NPSR1: variants seen among roughly 807,000 people sequenced by gnomAD.
NPSR1 encodes neuropeptide S receptor.
A neutral mutation model predicts 46.9 loss-of-function variants in NPSR1; 48 were observed. The ratio of observed to expected loss-of-function variants is 1.02; its 90% CI spans 0.81 to 1.30. The LOEUF is 1.30. Among genes scored for constraint, NPSR1 ranks in the 50% most tolerant of loss-of-function variants. The pLI is 0.00. For missense variants in NPSR1, 450 were observed against 449.5 expected (o/e 1.00, Z -0.01); for synonymous variants, 176 against 168.1 (o/e 1.05, Z -0.36).
intron 2 of NPSR1, among the ~76,000 whole-genome samples, chr7:34,714,227 A>G (rs1309306250): frequency 6.6e-6 from 1 of 152,346 alleles, no homozygotes; most frequent in East Asian, 1.9e-4. Flanking sequence ...CGAAAGCTGC[A>G]AGGACTCCTA....
At position 34,719,359 on chromosome 7, in the gene NPSR1, C is replaced by G. The variant is rs912883098; in HGVS notation, c.280+34675C>G. Reference sequence around the variant, plus strand: ...GCTTTTTCCTTTTTTCATTTAGACACAAGGATGCCTGGCATAATTTGCTGC... The same window carrying G: ...GCTTTTTCCTTTTTTCATTTAGACAGAAGGATGCCTGGCATAATTTGCTGC... On this transcript the variant is annotated intron_variant, in intron 2 of 8. Coordinates refer to ENST00000360581, the MANE Select transcript of NPSR1 (RefSeq NM_207172.2). The G allele has an allele frequency of 2.0e-5, 3 of 152,414 alleles. No homozygotes were observed. The East Asian group carries it at 5.8e-4, about 29-fold the overall frequency. 9.4% of individuals were successfully genotyped at this position (152,414 alleles called of 1,614,324 possible). A position where few individuals can be genotyped will look rare whatever the true frequency, so the allele number is the denominator to read the frequency against.
At chr7:34,801,746 G>T (rs1159475112) in intron 3 of NPSR1, among the ~76,000 whole-genome samples, 1 of 148,362 alleles carries the variant, frequency 6.7e-6, no homozygotes, top group Non-Finnish European at 1.5e-5. Flanking sequence ...AGGAAATAAA[G>T]AGTATTCAAT....
intron 1 of NPSR1, among the ~76,000 whole-genome samples, chr7:34,681,311 T>A (rs1222064493): frequency 1.3e-5 from 2 of 152,164 alleles, no homozygotes; most frequent in Non-Finnish European, 2.9e-5. Flanking sequence ...TGCACAGCTG[T>A]ATTTTCCTGT....
At position 34,848,488 on chromosome 7, in the gene NPSR1, A is replaced by G. The variant is rs956716609; in HGVS notation, c.850A>G (p.Ile284Val). Reference sequence around the variant, plus strand: ...ATGGCTCTCTTCTCCCCCAGCCTTCATCTGCTGTTGGAGTCCATACTTCCT... The same window carrying G: ...ATGGCTCTCTTCTCCCCCAGCCTTCGTCTGCTGTTGGAGTCCATACTTCCT... ...KYSIIIILAFICCWSPYFLFD... is the reference protein window; with the variant it reads ...KYSIIIILAFVCCWSPYFLFD... Residue 284 changes from isoleucine to valine, a missense_variant, in exon 8 of 9, where the codon ATC becomes GTC. Transcript: ENST00000360581. 5 of 1,613,908 alleles carry G rather than the reference A, an allele frequency of 3.1e-6. No homozygotes were observed. The African/African-American group carries it at 6.7e-5, about 22-fold the overall frequency.
intron 2 of NPSR1, among the ~76,000 whole-genome samples, chr7:34,718,072 G>A (rs2128705969): frequency 6.6e-6 from 1 of 152,190 alleles, no homozygotes; most frequent in Admixed American, 6.5e-5. Context: ...ATAATATTGA[G>A]AACCCAAAAG....
Position 34,848,630 on chromosome 7 carries a change from G to T in NPSR1, c.992G>T (p.Cys331Phe). Reference protein sequence around the residue: ...LNSAINPLIYCVFSSSISFPC... With the variant: ...LNSAINPLIYFVFSSSISFPC... Reference sequence around the variant, plus strand: ...AGTGCCATCAACCCCCTCATCTACTGTGTCTTCAGCAGCTCCATCTCTTTC... The same window carrying T: ...AGTGCCATCAACCCCCTCATCTACTTTGTCTTCAGCAGCTCCATCTCTTTC... The change falls in exon 8 of 9, where the codon TGT (cysteine) becomes TTT (phenylalanine). Residue 331 changes from cysteine (C) to phenylalanine (F), a missense_variant. By Grantham distance (205) the Cys-to-Phe change is radical. Transcript: ENST00000360581. The T allele has an allele frequency of 1.2e-6, 2 of 1,614,086 alleles. No homozygotes were observed. Among genetic ancestry groups the T allele is most frequent in the South Asian group, 1.1e-5 (1 of 91,088 alleles).
rs558873963 is a variant in NPSR1, at chr7:34,747,676, C to T, written c.281-30786C>T. ...CCCACGCACGCATGTGACTGGATACCGCATGAGTTTTCTAAAGCTTAAAGA... is the reference window on the plus strand; with the variant it reads ...CCCACGCACGCATGTGACTGGATACTGCATGAGTTTTCTAAAGCTTAAAGA... On this transcript the variant is annotated intron_variant, in intron 2 of 8. Coordinates refer to ENST00000360581, the MANE Select transcript of NPSR1 (RefSeq NM_207172.2). 1.7e-3 allele frequency among the ~76,000 whole-genome samples: 252 copies of T among 152,214 alleles called. 3 individuals carry two copies. In the South Asian group the frequency reaches 0.05, roughly 30 times the overall value.
At chr7:34,711,873 C>A (rs768996860) in intron 2 of NPSR1, among the ~76,000 whole-genome samples, 2 of 152,168 alleles carry the variant, frequency 1.3e-5, no homozygotes, top group African/African-American at 2.4e-5. Flanking sequence ...TTCTCAACAC[C>A]GGCTACACAT....
chr7:34,874,513 C>T (rs1369037393), intron 8 of NPSR1, among the ~76,000 whole-genome samples: 1 of 151,974 alleles, frequency 6.6e-6, no homozygotes, highest in Non-Finnish European at 1.5e-5. Flanking sequence ...CAGGTCCTAC[C>T]CCTGGAATTG....
At chr7:34,836,821 A>G (rs1443342589) in intron 6 of NPSR1, among the ~76,000 whole-genome samples, 1 of 152,184 alleles carries the variant, frequency 6.6e-6, no homozygotes, top group Non-Finnish European at 1.5e-5. Flanking sequence ...AACTGAAAAG[A>G]TCTGAATATC....
intron 1 of NPSR1, among the ~76,000 whole-genome samples, chr7:34,671,089 A>G (rs1292580309): frequency 1.3e-5 from 2 of 152,212 alleles, no homozygotes; most frequent in African/African-American, 4.8e-5. Context: ...GCAATGGAAT[A>G]ATAAAATTGT....
chr7:34,782,966 G>T (rs1787298360), intron 3 of NPSR1, among the ~76,000 whole-genome samples: 1 of 151,904 alleles, frequency 6.6e-6, no homozygotes, highest in Admixed American at 6.6e-5. Flanking sequence ...AAATTCTGGA[G>T]CTAAAAAACA....
At chr7:34,798,571 A>G (rs919288276) in intron 3 of NPSR1, among the ~76,000 whole-genome samples, 1 of 152,178 alleles carries the variant, frequency 6.6e-6, no homozygotes, top group Non-Finnish European at 1.5e-5. Context: ...AAAGAGAAAT[A>G]CAATTTAACT....
At position 34,818,880 on chromosome 7, in the gene NPSR1, C is replaced by A. The variant is rs563327347; in HGVS notation, c.478+7017C>A. 3.4e-3 allele frequency among the ~76,000 whole-genome samples: 525 copies of A among 152,240 alleles called. 3 individuals are homozygous for A. Among genetic ancestry groups the A allele is most frequent in the African/African-American group, 0.012 (508 of 41,554 alleles). On this transcript the variant is annotated intron_variant, in intron 4 of 8. Transcript: ENST00000360581. ...TGGCTAGCCATATGGAGAAAGCTGA[C>A]ACTGGATCCCTTCCTTACACCTTAT...
intron 2 of NPSR1, among the ~76,000 whole-genome samples, chr7:34,700,393 C>T (rs1793762759): frequency 6.6e-6 from 1 of 152,190 alleles, no homozygotes; most frequent in Admixed American, 6.5e-5. Context: ...TTTGTGTTTA[C>T]CATGCACCAG....
chr7:34,736,775 A>T (rs1364042107), intron 2 of NPSR1, among the ~76,000 whole-genome samples: 1 of 151,860 alleles, frequency 6.6e-6, no homozygotes, highest in Non-Finnish European at 1.5e-5. Flanking sequence ...TCATTTTTGT[A>T]TTTTTTATTT....
intron 2 of NPSR1, among the ~76,000 whole-genome samples, chr7:34,718,660 A>G (rs1343048542): frequency 1.3e-5 from 2 of 152,206 alleles, no homozygotes; most frequent in Non-Finnish European, 2.9e-5. Flanking sequence ...TTGTAGAATA[A>G]TTATGGACTA....
At chr7:34,774,085 AATAG>A (rs1188957303) in intron 2 of NPSR1, among the ~76,000 whole-genome samples, 2 of 152,160 alleles carry the variant, frequency 1.3e-5, no homozygotes, top group East Asian at 1.9e-4. Flanking sequence ...CTTCCACACG[AATAG>A]ATAACCATAT....
chr7:34,836,384 C>A, intron 6 of NPSR1, among the ~76,000 whole-genome samples: 1 of 151,918 alleles, frequency 6.6e-6, no homozygotes, highest in South Asian at 2.1e-4. Flanking sequence ...ACAGGGAAAT[C>A]CAACAGAACA....
Sources: gnomAD v4.1 joint callset for allele counts (sites outside exome capture counted in the v4.1 genomes callset) on GRCh38, gnomAD v4.1.1 for gene constraint, MANE v1.5 for transcripts, NCBI Gene and HGNC (gene_info 2026-07-23, HGNC 2026-07-21) for gene names.